TGFA: variants seen among roughly 807,000 people sequenced by gnomAD.
TGFA encodes the protein protransforming growth factor alpha.
TGFA carries 12 observed loss-of-function variants against 21.7 expected under a neutral mutation model. That is an observed-to-expected ratio of 0.55 (90% CI 0.35 to 0.90). The LOEUF is 0.90. Among genes scored for constraint, TGFA ranks in the 40% least tolerant of loss-of-function variants. TGFA has a pLI of 0.01. For synonymous variants in TGFA, 79 were observed against 88.1 expected (o/e 0.90, Z 0.58); for missense variants, 178 against 210.8 (o/e 0.84, Z 0.96).
At chr2:70,545,018 A>T (rs1673249697) in intron 1 of TGFA, among the ~76,000 whole-genome samples, 1 of 152,196 alleles carries the variant, frequency 6.6e-6, no homozygotes, top group Non-Finnish European at 1.5e-5. Context: ...AAAGAGTATA[A>T]TTGGATTGTT....
At chr2:70,464,281 A>G (rs961775580) in intron 3 of TGFA, among the ~76,000 whole-genome samples, 1 of 152,222 alleles carries the variant, frequency 6.6e-6, no homozygotes, top group Non-Finnish European at 1.5e-5. Flanking sequence ...TTTCTTCTTC[A>G]TGGGGTCAGT....
At chr2:70,454,186 C>T (rs1559096209) in intron 4 of TGFA, among the ~76,000 whole-genome samples, 1 of 152,140 alleles carries the variant, frequency 6.6e-6, no homozygotes, top group Non-Finnish European at 1.5e-5. Context: ...GAGAAATTTC[C>T]TAAGGTGAGC....
chr2:70,453,387 C>T (rs1670123084), intron 4 of TGFA, 60 bp from the exon 5 acceptor site: 5 of 1,498,534 alleles, frequency 3.3e-6, no homozygotes, highest in Non-Finnish European at 4.6e-6. Flanking sequence ...CAGGGTGGTA[C>T]AGCATCTGCC....
chr2:70,530,991 A>G (rs7562947), intron 1 of TGFA, among the ~76,000 whole-genome samples: 31,201 of 152,120 alleles, frequency 0.21, 5,571 homozygotes, highest in African/African-American at 0.49. Flanking sequence ...CTGTGGGAGA[A>G]AGTTTAACAG....
intron 2 of TGFA, among the ~76,000 whole-genome samples, chr2:70,496,754 G>A (rs78253095): frequency 0.052 from 7,965 of 152,138 alleles, 250 homozygotes; most frequent in Middle Eastern, 0.1. Context: ...AATATCAAGT[G>A]TCTTGTATGC....
intron 1 of TGFA, among the ~76,000 whole-genome samples, chr2:70,521,209 C>T (rs1277520614): frequency 5.3e-5 from 8 of 152,190 alleles, no homozygotes; most frequent in African/African-American, 1.9e-4. Flanking sequence ...AGCGCAGAGA[C>T]AGAACCCAGC....
chr2:70,521,954 G>A (rs1050532931), intron 1 of TGFA, among the ~76,000 whole-genome samples: 18 of 152,072 alleles, frequency 1.2e-4, no homozygotes, highest in African/African-American at 3.9e-4. Context: ...CTCTCAAGTC[G>A]GCATATCCCA....
At chr2:70,548,595 A>AACGTGCTAGGCATAG (rs1673388929) in intron 1 of TGFA, among the ~76,000 whole-genome samples, 2 of 152,230 alleles carry the variant, frequency 1.3e-5, no homozygotes, top group African/African-American at 4.8e-5. Flanking sequence ...ATTAAAGCCA[A>AACGTGCTAGGCATAG]ACGTGCTAGG....
intron 1 of TGFA, among the ~76,000 whole-genome samples, chr2:70,549,453 C>G (rs56842966): frequency 0.024 from 3,723 of 152,244 alleles, 151 homozygotes; most frequent in African/African-American, 0.085. Flanking sequence ...AACTTGTCAG[C>G]CAGGCAAACC....
At chr2:70,496,035 C>T (rs1226867242) in intron 2 of TGFA, among the ~76,000 whole-genome samples, 1 of 152,136 alleles carries the variant, frequency 6.6e-6, no homozygotes, top group African/African-American at 2.4e-5. Flanking sequence ...CAACCAGAGG[C>T]TCCTGAGCAC....
At chr2:70,472,232 C>G (rs1670773482) in intron 2 of TGFA, among the ~76,000 whole-genome samples, 1 of 152,194 alleles carries the variant, frequency 6.6e-6, no homozygotes. Flanking sequence ...GCACTGGCCC[C>G]CAGGACTCTG....
chr2:70,450,477 T>C lies in TGFA; in HGVS notation c.*382A>G, dbSNP rs1250227938. 5.2e-6 allele frequency: 1 copy of C among 191,940 alleles called. No individual in the cohort carries two copies. The highest frequency in any genetic ancestry group is 2.3e-5 in the African/African-American group (1 of 43,188). The allele number at this position is 191,940 out of a possible 1,614,324, so 11.9% of individuals were successfully genotyped here. ...ATCTCCTGTGTTGGGCAGAATTCTG[T>C]TGTGGGGAGGTGGCCCATTAAAAAG... On this transcript the variant is annotated 3_prime_UTR_variant, in exon 6 of 6. Coordinates refer to ENST00000295400, the MANE Select transcript of TGFA (RefSeq NM_003236.4).
chr2:70,529,034 C>T (rs570373398), intron 1 of TGFA, among the ~76,000 whole-genome samples: 1 of 152,304 alleles, frequency 6.6e-6, no homozygotes, highest in South Asian at 2.1e-4. Context: ...CACTCCCATC[C>T]CTGGCTTTAT....
At chr2:70,478,672 G>T (rs1345273943) in intron 2 of TGFA, among the ~76,000 whole-genome samples, 2 of 152,180 alleles carry the variant, frequency 1.3e-5, no homozygotes, top group South Asian at 2.1e-4. Flanking sequence ...TAAAAGTTAT[G>T]CATCTTCATT....
chr2:70,450,736 T>C lies in TGFA; in HGVS notation c.*123A>G. On this transcript the variant is annotated 3_prime_UTR_variant, in exon 6 of 6. Coordinates refer to ENST00000295400, the MANE Select transcript of TGFA (RefSeq NM_003236.4). ...GAAGGCCCACAAAAGGCTGCACAGGTGATTACAGGCCAAGTAGGAAGGTCT... is the reference window on the plus strand; with the variant it reads ...GAAGGCCCACAAAAGGCTGCACAGGCGATTACAGGCCAAGTAGGAAGGTCT... 1 of 1,117,686 alleles carries C rather than the reference T, an allele frequency of 8.9e-7. No homozygotes were observed. Among genetic ancestry groups the C allele is most frequent in the Non-Finnish European group, 1.3e-6 (1 of 755,510 alleles). 69.2% of individuals were successfully genotyped at this position (1,117,686 alleles called of 1,614,324 possible). A position where few individuals can be genotyped will look rare whatever the true frequency, so the allele number is the denominator to read the frequency against.
intron 1 of TGFA, among the ~76,000 whole-genome samples, chr2:70,532,555 G>C (rs891701892): frequency 3.3e-5 from 5 of 152,190 alleles, no homozygotes. Context: ...AGGGCGGCTG[G>C]TGCCGGCCTT....
chr2:70,536,513 G>A (rs116029990), intron 1 of TGFA, among the ~76,000 whole-genome samples: 250 of 152,202 alleles, frequency 1.6e-3, no homozygotes, highest in African/African-American at 5.7e-3. Flanking sequence ...CTCAGACCAC[G>A]ATGGAAATAA....
chr2:70,496,758 T>C (rs1671589282), intron 2 of TGFA, among the ~76,000 whole-genome samples: 1 of 152,170 alleles, frequency 6.6e-6, no homozygotes, highest in African/African-American at 2.4e-5. Context: ...TCAAGTGTCT[T>C]GTATGCGTCA....
intron 3 of TGFA, among the ~76,000 whole-genome samples, chr2:70,459,633 G>C (rs1166790245): frequency 6.6e-6 from 1 of 152,216 alleles, no homozygotes; most frequent in Non-Finnish European, 1.5e-5. Flanking sequence ...CACCAAGGGA[G>C]ATAACCCCCT....
Sources: allele counts gnomAD v4.1 joint callset (sites outside exome capture counted in the v4.1 genomes callset), GRCh38; gene constraint gnomAD v4.1.1; transcripts MANE v1.5; gene names NCBI Gene and HGNC (gene_info 2026-07-23, HGNC 2026-07-21).